The following C14orf39 variants were observed in gnomAD, a reference collection of about 807,000 sequenced individuals.
The protein encoded by C14orf39 is chromosome 14 open reading frame 39.
A neutral mutation model predicts 85.6 loss-of-function variants in C14orf39; 66 were observed. The ratio of observed to expected loss-of-function variants is 0.77; its 90% CI spans 0.63 to 0.95. The LOEUF is 0.95. C14orf39 is among the 40% of genes least tolerant of loss of function. The probability of loss-of-function intolerance (pLI) is 0.00; values close to 1 mark genes in which losing one functional copy is unlikely to be tolerated. For synonymous variants in C14orf39, 242 were observed against 214.0 expected (o/e 1.13, Z -1.14); for missense variants, 735 against 663.9 (o/e 1.11, Z -1.18).
chr14:60,510,044 C>T (rs1893267394), intron 1 of C14orf39: 5 of 1,336,640 alleles, frequency 3.7e-6, no homozygotes, highest in Non-Finnish European at 5.3e-6. Context: ...GGCGCCCTTA[C>T]CCAGTCCCTG....
intron 5 of C14orf39, among the ~76,000 whole-genome samples, chr14:60,477,875 T>C (rs921683586): frequency 2.0e-5 from 3 of 151,866 alleles, no homozygotes; most frequent in African/African-American, 4.8e-5. Context: ...AAACACTACA[T>C]TTACTTAAAA....
intron 4 of C14orf39, 63 bp from the exon 5 acceptor site, chr14:60,478,452 T>TA (rs554378903): frequency 9.0e-5 from 70 of 774,380 alleles, no homozygotes; most frequent in East Asian, 1.5e-4. Context: ...ATAGAGATAA[T>TA]AAAAAAAAGA....
rs1278581266 is a variant in C14orf39 at position 60,491,475 on chromosome 14, A to G, written c.-8-6389T>C. Among the ~76,000 whole-genome samples, 1 of 152,144 alleles carries G rather than the reference A, an allele frequency of 6.6e-6. No individual in the cohort carries two copies. Among genetic ancestry groups the G allele is most frequent in the East Asian group, 1.9e-4 (1 of 5,196 alleles). On this transcript the variant is annotated intron_variant, in intron 2 of 5. Transcript: ENST00000556799. The surrounding 1 kb of genome is among the most constrained non-coding windows in gnomAD (Gnocchi z 4.5). Reference sequence around the variant, plus strand: ...TTCAAACCACAGCACAAGCTCAAACACAGCTCATGTATTTCCCCCACTAAT... The same window carrying G: ...TTCAAACCACAGCACAAGCTCAAACGCAGCTCATGTATTTCCCCCACTAAT...
At chr14:60,501,244 T>A (rs1171273776) in intron 1 of C14orf39, among the ~76,000 whole-genome samples, 1 of 144,054 alleles carries the variant, frequency 6.9e-6, no homozygotes, top group African/African-American at 2.6e-5. Context: ...AGTTCGAGGT[T>A]GCAGTAAGCT....
In C14orf39 at chr14:60,484,821, A is replaced by G; in HGVS notation, c.106+60T>C. 2.5e-6 allele frequency: 3 copies of G among 1,212,818 alleles called. No homozygotes were observed. The highest frequency in any genetic ancestry group is 2.4e-6 in the Non-Finnish European group (2 of 842,876). 75.1% of individuals were successfully genotyped at this position (1,212,818 alleles called of 1,614,324 possible). ...AAGTTGCCCTAAACAGAGCAATTGT[A>G]TGTTATATGCCATAAGGAATTAAAA... On this transcript the variant is annotated intron_variant, in intron 3 of 17. Transcript: ENST00000321731. The surrounding 1 kb of genome is among the most constrained non-coding windows in gnomAD (Gnocchi z 4.2).
rs768001863 is a variant in C14orf39 at position 60,468,450 on chromosome 14, T to C, written c.762A>G (p.Lys254=). 1.1e-5 allele frequency: 17 copies of C among 1,572,148 alleles called. No homozygotes were observed. The African/African-American group carries it at 1.5e-4, about 14-fold the overall frequency. ...ATTTTAAAGGTTACCTATACCTTTC[T>C]TTCAGTTCTTTTCTGTTTTCTGTAT... is the stretch of plus-strand genomic sequence containing the variant. The part of the protein sequence containing the change: ...NKNTENRKEL[K]ERIFGKDEHV... Residue 254 remains lysine (K), a synonymous_variant, in exon 9 of 18, where the codon AAA becomes AAG. Coordinates refer to ENST00000321731, the MANE Select transcript of C14orf39 (RefSeq NM_174978.3).
At chr14:60,468,301 A>G (rs1891895054) in intron 9 of C14orf39, 144 bp downstream of exon 9, 1 of 448,060 alleles carries the variant, frequency 2.2e-6, no homozygotes, top group Non-Finnish European at 4.0e-6. Context: ...AATATTTTTC[A>G]TAAGAAATTA....
At chr14:60,501,532 C>T (rs79801309) in intron 1 of C14orf39, among the ~76,000 whole-genome samples, 3,247 of 152,242 alleles carry the variant, frequency 0.021, 61 homozygotes, top group Admixed American at 0.027. Flanking sequence ...CCTGTCAACA[C>T]CTCGATTCAA....
chr14:60,461,532 C>G lies in C14orf39; in HGVS notation c.1034G>C (p.Ser345Thr), dbSNP rs1167956609. The change falls in exon 12 of 18, where the codon AGT (serine) becomes ACT (threonine). Residue 345 changes from serine (S) to threonine (T), a missense_variant. Physicochemically the swap from Ser to Thr is moderately conservative, Grantham distance 58. Coordinates refer to ENST00000321731, the MANE Select transcript of C14orf39 (RefSeq NM_174978.3). ...CCTGACTTGCATAAACTTTTGTGAA[C>G]TTGTGATAGTCGTAATATGTGAACA... ...SKCSHITTITSSQKFMQVRLL... is the reference protein window; with the variant it reads ...SKCSHITTITTSQKFMQVRLL... 1 of 1,591,930 alleles carries G rather than the reference C, an allele frequency of 6.3e-7. No homozygotes were observed. Among genetic ancestry groups the G allele is most frequent in the African/African-American group, 1.4e-5 (1 of 73,576 alleles).
chr14:60,436,355 T>TA lies in C14orf39; in HGVS notation c.*489_*490insT, dbSNP rs1341367767. On this transcript the variant is annotated 3_prime_UTR_variant, in exon 18 of 18. Coordinates refer to ENST00000321731, the MANE Select transcript of C14orf39 (RefSeq NM_174978.3). ...AGATTTTGTTATTAACATAAATTAT[T>TA]TGAAATTATTATTACAGTACCACTC... 2 of 152,168 alleles carry TA rather than the reference T, an allele frequency of 1.3e-5. No homozygotes were observed. Among genetic ancestry groups the TA allele is most frequent in the Admixed American group, 1.3e-4 (2 of 15,258 alleles). The allele number at this position is 152,168 out of a possible 1,614,324, so 9.4% of individuals were successfully genotyped here.
At chr14:60,472,121 T>C (rs1037073707) in intron 5 of C14orf39, among the ~76,000 whole-genome samples, 1 of 152,010 alleles carries the variant, frequency 6.6e-6, no homozygotes, top group African/African-American at 2.4e-5. Context: ...ACCTCTATCT[T>C]CCCTGGCTTC....
intron 17 of C14orf39, 129 bp downstream of exon 17, chr14:60,441,945 T>C: frequency 1.7e-6 from 1 of 597,894 alleles, no homozygotes; most frequent in Non-Finnish European, 3.0e-6. Context: ...AGAATATCAG[T>C]GAGTAGTGCA....
At chr14:60,472,826 C>T (rs1892166201) in intron 5 of C14orf39, among the ~76,000 whole-genome samples, 1 of 152,138 alleles carries the variant, frequency 6.6e-6, no homozygotes, top group African/African-American at 2.4e-5. Flanking sequence ...TGGCTTGGTT[C>T]CAAGTCTTTG....
chr14:60,509,864 A>T lies in C14orf39; in HGVS notation c.-144+5531T>A, dbSNP rs1272560627. The T allele has an allele frequency of 2.0e-5, 33 of 1,613,638 alleles. 1 individual carries two copies. Among genetic ancestry groups the T allele is most frequent in the Non-Finnish European group, 1.1e-5 (13 of 1,179,804 alleles). On this transcript the variant is annotated intron_variant, in intron 1 of 5. Transcript: ENST00000556799. Reference sequence around the variant, plus strand: ...CCTGCAGGATCCATACCCTAACCCCAGCAAAAAACGTGAGCTCGCCCAGGC... The same window carrying T: ...CCTGCAGGATCCATACCCTAACCCCTGCAAAAAACGTGAGCTCGCCCAGGC...
intron 1 of C14orf39, chr14:60,508,819 C>G (rs1041858679): frequency 6.3e-6 from 1 of 157,644 alleles, no homozygotes; most frequent in Non-Finnish European, 1.4e-5. Flanking sequence ...GACAACGCAT[C>G]GCCCCAAAGT....
chr14:60,470,830 T>C (rs1002762489), intron 7 of C14orf39, among the ~76,000 whole-genome samples: 4 of 151,926 alleles, frequency 2.6e-5, no homozygotes, highest in Non-Finnish European at 4.4e-5. Context: ...TGAAGGATTG[T>C]GGAGGTTGAA....
intron 16 of C14orf39, among the ~76,000 whole-genome samples, chr14:60,447,571 A>G (rs1890830012): frequency 2.6e-5 from 4 of 152,258 alleles, no homozygotes; most frequent in African/African-American, 9.6e-5. Flanking sequence ...AGAACATTCC[A>G]TGCTCATGGA....
chr14:60,473,555 A>G (rs889408656), intron 5 of C14orf39, among the ~76,000 whole-genome samples: 1 of 152,182 alleles, frequency 6.6e-6, no homozygotes, highest in Non-Finnish European at 1.5e-5. Context: ...GTAAGTCTTT[A>G]ATCCATCTTG....
chr14:60,497,673 C>CA (rs1740726072), intron 2 of C14orf39, among the ~76,000 whole-genome samples: 1 of 152,010 alleles, frequency 6.6e-6, no homozygotes, highest in Non-Finnish European at 1.5e-5. Context: ...GTCAGGAGTT[C>CA]GAAACTAGCC....
Sources: gnomAD v4.1 joint callset for allele counts (sites outside exome capture counted in the v4.1 genomes callset) on GRCh38, gnomAD v4.1.1 for gene constraint, Gnocchi (gnomAD v3.1) non-coding constraint, MANE v1.5 for transcripts, NCBI Gene and HGNC (gene_info 2026-07-23, HGNC 2026-07-21) for gene names.